Variants in PCDHA9 observed in about 807,000 individuals in gnomAD.
PCDHA9 encodes protocadherin alpha-9.
Under a neutral mutation model 62.0 loss-of-function variants are expected in PCDHA9, and 62 were observed. That is an observed-to-expected ratio of 1.00 (90% confidence interval 0.81 to 1.23). PCDHA9 has a LOEUF of 1.23. Ranked by LOEUF, PCDHA9 falls within the 50% of genes most tolerant of loss-of-function variation. PCDHA9 has a pLI of 0.00. For synonymous variants in PCDHA9, 557 were observed against 567.6 expected (o/e 0.98, Z 0.27); for missense variants, 1,205 against 1,249.8 (o/e 0.96, Z 0.54).
intron 1 of PCDHA9, chr5:140,851,624 A>G (rs1224878154): frequency 1.1e-6 from 1 of 920,370 alleles, no homozygotes; most frequent in Non-Finnish European, 1.3e-6. Context: ...AATGCTTTTT[A>G]AACAAGTGTT....
At chr5:140,951,523 G>A (rs868992487) in intron 1 of PCDHA9, among the ~76,000 whole-genome samples, 1 of 151,994 alleles carries the variant, frequency 6.6e-6, no homozygotes, top group Non-Finnish European at 1.5e-5. Context: ...ATCTTACATG[G>A]CCGGTGCAGG....
intron 1 of PCDHA9, among the ~76,000 whole-genome samples, chr5:140,906,153 A>G (rs2072404848): frequency 6.6e-6 from 1 of 152,142 alleles, no homozygotes; most frequent in Non-Finnish European, 1.5e-5. Flanking sequence ...ACCCTCACAG[A>G]CACACCCAGG....
chr5:140,920,817 C>A (rs1430508925), intron 1 of PCDHA9, among the ~76,000 whole-genome samples: 1 of 150,498 alleles, frequency 6.6e-6, no homozygotes, highest in African/African-American at 2.5e-5. Flanking sequence ...GCACTCCAGC[C>A]TGGCGACGGA....
At chr5:140,967,357 T>C (rs782125763) in intron 1 of PCDHA9, 2 of 1,608,222 alleles carry the variant, frequency 1.2e-6, no homozygotes, top group Non-Finnish European at 1.7e-6. Context: ...AGCTGGACCT[T>C]AAGCCCCTGC....
chr5:140,888,487 ACT>A (rs1486157760), intron 1 of PCDHA9, among the ~76,000 whole-genome samples: 1 of 152,162 alleles, frequency 6.6e-6, no homozygotes, highest in Non-Finnish European at 1.5e-5. Flanking sequence ...CTGTTGAGAA[ACT>A]CTGCTTTAAA....
intron 3 of PCDHA9, among the ~76,000 whole-genome samples, chr5:140,990,165 G>A (rs2097378132): frequency 6.6e-6 from 1 of 152,126 alleles, no homozygotes; most frequent in African/African-American, 2.4e-5. Flanking sequence ...GTTAGGGTAT[G>A]AAAAGGTGAC....
rs183311315 is a variant in PCDHA9, at chr5:140,913,513, T to C, written c.2394+62624T>C. ...AGTCTGTTTAAAACTTTGTCAATTTTATTTATCTTTTCAAAAGATTGACTT... is the reference window on the plus strand; with the variant it reads ...AGTCTGTTTAAAACTTTGTCAATTTCATTTATCTTTTCAAAAGATTGACTT... On this transcript the variant is annotated intron_variant, in intron 1 of 3. Coordinates refer to ENST00000532602, the MANE Select transcript of PCDHA9 (RefSeq NM_031857.2). Among the ~76,000 whole-genome samples, 393 of 152,272 alleles carry C rather than the reference T, an allele frequency of 2.6e-3. 2 individuals are homozygous for C. The highest frequency in any genetic ancestry group is 9.2e-3 in the African/African-American group (382 of 41,572).
intron 1 of PCDHA9, among the ~76,000 whole-genome samples, chr5:140,962,347 C>A (rs191780691): frequency 1.7e-4 from 26 of 152,244 alleles, no homozygotes; most frequent in African/African-American, 5.3e-4. Flanking sequence ...AAGTAAAACT[C>A]CCCCCAATAC....
intron 3 of PCDHA9, among the ~76,000 whole-genome samples, chr5:140,992,500 A>C (rs1205902091): frequency 6.6e-6 from 1 of 152,222 alleles, no homozygotes; most frequent in Non-Finnish European, 1.5e-5. Context: ...GTAAGGATTC[A>C]ATCCTGGGGC....
intron 1 of PCDHA9, chr5:140,968,494 C>G (rs782064203): frequency 1.2e-6 from 2 of 1,614,096 alleles, no homozygotes; most frequent in South Asian, 2.2e-5. Flanking sequence ...ATGACCATGC[C>G]CCTCACATTC....
At chr5:140,918,816 A>C (rs1178287306) in intron 1 of PCDHA9, among the ~76,000 whole-genome samples, 1 of 62,452 alleles carries the variant, frequency 1.6e-5, no homozygotes, top group Admixed American at 1.3e-4. Context: ...ATGAACCAAA[A>C]AGTGGCCCCC....
intron 1 of PCDHA9, among the ~76,000 whole-genome samples, chr5:140,947,220 T>A (rs531697572): frequency 6.6e-6 from 1 of 151,686 alleles, no homozygotes; most frequent in East Asian, 1.9e-4. Flanking sequence ...ATCCTGTCAT[T>A]TATGACAGGA....
At chr5:140,875,465 T>G in intron 1 of PCDHA9, 1 of 1,599,690 alleles carries the variant, frequency 6.3e-7, no homozygotes, top group Non-Finnish European at 8.5e-7. Flanking sequence ...AGGCCCTCAT[T>G]TTCTGCAATG....
intron 3 of PCDHA9, among the ~76,000 whole-genome samples, chr5:140,998,792 G>A (rs747824792): frequency 6.6e-6 from 1 of 152,156 alleles, no homozygotes; most frequent in Non-Finnish European, 1.5e-5. Flanking sequence ...TGGAACCCCT[G>A]ACCTCAGGTG....
chr5:141,011,509 G>C lies in PCDHA9; in HGVS notation c.*1572G>C, dbSNP rs2098420853. ...TTTTGTACACCTGTGAAAAAGTGGA[G>C]TAGTGTTTTTTTAACCATTGTTAAT... is the stretch of plus-strand genomic sequence containing the variant. On this transcript the variant is annotated 3_prime_UTR_variant, in exon 4 of 4. Coordinates refer to ENST00000532602, the MANE Select transcript of PCDHA9 (RefSeq NM_031857.2). The C allele has an allele frequency of 6.5e-6, 1 of 153,760 alleles. No individual in the cohort carries two copies. The highest frequency in any genetic ancestry group is 1.5e-5 in the Non-Finnish European group (1 of 68,040). The allele number at this position is 153,760 out of a possible 1,614,324, so 9.5% of individuals were successfully genotyped here.
At chr5:140,884,063 G>A in intron 1 of PCDHA9, 3 of 1,613,496 alleles carry the variant, frequency 1.9e-6, no homozygotes, top group Non-Finnish European at 1.7e-6. Flanking sequence ...CGCGGTGGAC[G>A]CCGATTCGGG....
intron 1 of PCDHA9, chr5:140,883,869 A>G: frequency 6.2e-7 from 1 of 1,613,112 alleles, no homozygotes; most frequent in South Asian, 1.1e-5. Context: ...TTGCAGTTCC[A>G]GGTGAGCGCG....
intron 1 of PCDHA9, among the ~76,000 whole-genome samples, chr5:140,946,631 T>TATATATATATATATACACAC (rs57893927): frequency 7.6e-6 from 1 of 131,856 alleles, no homozygotes; most frequent in East Asian, 2.1e-4. Flanking sequence ...TATATATATA[T>TATATATATATATATACACAC]ACAATGGAAT....
chr5:140,882,462 G>T, intron 1 of PCDHA9: 1 of 1,614,036 alleles, frequency 6.2e-7, no homozygotes, highest in Non-Finnish European at 8.5e-7. Context: ...CGCCTGTTCC[G>T]GGTGGCGTCC....
Sources: gnomAD v4.1 joint callset for allele counts (sites outside exome capture counted in the v4.1 genomes callset) on GRCh38, gnomAD v4.1.1 for gene constraint, MANE v1.5 for transcripts, NCBI Gene and HGNC (gene_info 2026-07-23, HGNC 2026-07-21) for gene names.